Variants in TFB1M observed in about 807,000 individuals in gnomAD.
TFB1M encodes the protein transcription factor B1, mitochondrial.
In TFB1M, 27 loss-of-function variants were observed where a neutral mutation model predicts 31.1. That is an observed-to-expected ratio of 0.87 (90% CI 0.64 to 1.20). TFB1M has a LOEUF of 1.20. TFB1M is among the 50% of genes most tolerant of loss of function. TFB1M has a pLI of 0.00. For synonymous variants in TFB1M, 166 were observed against 151.8 expected (o/e 1.09, Z -0.69); for missense variants, 394 against 418.7 (o/e 0.94, Z 0.51).
intron 6 of TFB1M, among the ~76,000 whole-genome samples, chr6:155,258,710 T>C (rs1324245151): frequency 2.6e-5 from 4 of 152,194 alleles, no homozygotes; most frequent in Non-Finnish European, 5.9e-5. Flanking sequence ...TAGGCCTGGA[T>C]TGCATTTTTC....
chr6:155,236,683 C>G, the TFB1M span, among the ~76,000 whole-genome samples: 1 of 152,016 alleles, frequency 6.6e-6, no homozygotes, highest in African/African-American at 2.4e-5. Flanking sequence ...AATAAAAGAG[C>G]AAGTCATATC....
At chr6:155,282,930 T>C (rs1489175711) in intron 5 of TFB1M, among the ~76,000 whole-genome samples, 1 of 152,068 alleles carries the variant, frequency 6.6e-6, no homozygotes, top group Non-Finnish European at 1.5e-5. Flanking sequence ...GGTTTCACCA[T>C]GTTAGCCAGG....
downstream of TFB1M, chr6:155,253,822 A>T (rs1783828795): frequency 8.6e-6 from 5 of 583,548 alleles, no homozygotes; most frequent in Non-Finnish European, 1.5e-5. Flanking sequence ...TAACTGTGAA[A>T]ATCATACATA....
rs11455127 is a variant in TFB1M, at chr6:155,257,190, C to CAAAAA, written c.*641_*645dup. 9.5e-5 allele frequency: 52 copies of CAAAAA among 547,770 alleles called. 1 individual carries two copies. The highest frequency in any genetic ancestry group is 1.6e-4 in the South Asian group (7 of 44,140). The allele number at this position is 547,770 out of a possible 1,614,324, so 33.9% of individuals were successfully genotyped here. A position where few individuals can be genotyped will look rare whatever the true frequency, so the allele number is the denominator to read the frequency against. On this transcript the variant is annotated 3_prime_UTR_variant, in exon 7 of 7. Transcript: ENST00000367166. ...TAAACTGGTGGTAAAGTGGAAATTG[C>CAAAAA]AAAAAAAAAAAAAAAAAAAAACTGT...
chr6:155,237,444 C>T, the TFB1M span, among the ~76,000 whole-genome samples: 4 of 152,302 alleles, frequency 2.6e-5, no homozygotes, highest in East Asian at 3.9e-4. Flanking sequence ...GGATGGTGGC[C>T]CTCTTCTCAC....
At chr6:155,253,076 T>A, downstream of TFB1M, 6 of 1,592,816 alleles carry the variant, frequency 3.8e-6, no homozygotes, top group Non-Finnish European at 4.3e-6. Context: ...TGCAGTATGA[T>A]GCCAGAAAAA....
rs150072569 is a variant in TFB1M, at chr6:155,256,997, G to A, written c.*839C>T. ...CAGATCCGTCACCAGTCCCTTGACAGTCAGTCTGAAAATGCCACCATCGAC... is the reference window on the plus strand; with the variant it reads ...CAGATCCGTCACCAGTCCCTTGACAATCAGTCTGAAAATGCCACCATCGAC... On this transcript the variant is annotated 3_prime_UTR_variant, in exon 7 of 7. Transcript: ENST00000367166. 1.2e-5 allele frequency: 20 copies of A among 1,614,072 alleles called. No homozygotes were observed. Among genetic ancestry groups the A allele is most frequent in the Middle Eastern group, 1.6e-4 (1 of 6,084 alleles).
rs549893998 is a variant in TFB1M at position 155,298,327 on chromosome 6, G to T, written c.394+150C>A. 770 of 579,902 alleles carry T rather than the reference G, an allele frequency of 1.3e-3. 2 individuals carry two copies. The highest frequency in any genetic ancestry group is 2.1e-3 in the Non-Finnish European group (705 of 330,892). 35.9% of individuals were successfully genotyped at this position (579,902 alleles called of 1,614,324 possible). A position where few individuals can be genotyped will look rare whatever the true frequency, so the allele number is the denominator to read the frequency against. Reference sequence around the variant, plus strand: ...TTTATAATTTGGAAGCAAGTAGCAAGAGAAAATTATAATACACATTATTTA... The same window carrying T: ...TTTATAATTTGGAAGCAAGTAGCAATAGAAAATTATAATACACATTATTTA... On this transcript the variant is annotated intron_variant, in intron 3 of 6. Coordinates refer to ENST00000367166, the MANE Select transcript of TFB1M (RefSeq NM_016020.4).
chr6:155,282,235 G>T (rs1562403575), intron 5 of TFB1M, among the ~76,000 whole-genome samples: 2 of 152,134 alleles, frequency 1.3e-5, no homozygotes, highest in African/African-American at 4.8e-5. Context: ...AGTATTTTGG[G>T]TTCAAATTTT....
downstream of TFB1M, chr6:155,254,656 T>C (rs1783888542): frequency 6.6e-7 from 1 of 1,525,434 alleles, no homozygotes; most frequent in Non-Finnish European, 8.9e-7. Context: ...AACATAGCTG[T>C]GACTTTTCAC....
At chr6:155,266,842 G>T (rs749832144) in intron 5 of TFB1M, among the ~76,000 whole-genome samples, 1 of 61,828 alleles carries the variant, frequency 1.6e-5, no homozygotes, top group Non-Finnish European at 2.6e-5. Context: ...GCGAGACTCC[G>T]TCTCAAAAAA....
At chr6:155,275,559 A>C in intron 5 of TFB1M, 1 of 693,218 alleles carries the variant, frequency 1.4e-6, no homozygotes, top group Non-Finnish European at 2.5e-6. Flanking sequence ...TCTAAAGGGA[A>C]GCCTTTTGTT....
the TFB1M span, chr6:155,244,118 G>A: frequency 3.2e-6 from 5 of 1,581,144 alleles, no homozygotes; most frequent in Non-Finnish European, 3.5e-6. Context: ...GTGATCCACA[G>A]GTTAGTCTCT....
At chr6:155,259,256 T>C (rs987700055) in intron 6 of TFB1M, among the ~76,000 whole-genome samples, 1 of 152,240 alleles carries the variant, frequency 6.6e-6, no homozygotes, top group Admixed American at 6.5e-5. Context: ...AGCTGGGGGC[T>C]GCAGCCAAAA....
At chr6:155,300,525 T>G (rs932699764) in intron 2 of TFB1M, among the ~76,000 whole-genome samples, 3 of 152,116 alleles carry the variant, frequency 2.0e-5, no homozygotes, top group African/African-American at 4.8e-5. Flanking sequence ...ACGCTAAAAT[T>G]TTTTCTATAA....
Position 155,257,041 on chromosome 6 carries a change from C to A in TFB1M, c.*795G>T, listed in dbSNP as rs201575258. 1 of 1,613,978 alleles carries A rather than the reference C, an allele frequency of 6.2e-7. No individual in the cohort carries two copies. Among genetic ancestry groups the A allele is most frequent in the African/African-American group, 1.3e-5 (1 of 74,882 alleles). On this transcript the variant is annotated 3_prime_UTR_variant, in exon 7 of 7. Coordinates refer to ENST00000367166, the MANE Select transcript of TFB1M (RefSeq NM_016020.4). ...CATCGACCTAAATTCTGTTCTAGAG[C>A]GAGAATTCAGTGTCCAGAGTTTAAC...
Position 155,256,720 on chromosome 6 carries a change from A to C in TFB1M, c.*1116T>G. 6.2e-7 allele frequency: 1 copy of C among 1,614,130 alleles called. No homozygotes were observed. Among genetic ancestry groups the C allele is most frequent in the African/African-American group, 1.3e-5 (1 of 75,014 alleles). ...TCTCATCAAAGAGAGTGACATCCTGAGCGATGAAGATGATGACCACCGTCA... is the reference window on the plus strand; with the variant it reads ...TCTCATCAAAGAGAGTGACATCCTGCGCGATGAAGATGATGACCACCGTCA... On this transcript the variant is annotated 3_prime_UTR_variant, in exon 7 of 7. Transcript: ENST00000367166.
At chr6:155,253,105 C>T (rs1347659720), downstream of TFB1M, 2 of 1,446,590 alleles carry the variant, frequency 1.4e-6, no homozygotes, top group Non-Finnish European at 1.9e-6. Flanking sequence ...GTAGACTTAA[C>T]TGTGGAATGT....
chr6:155,256,111 G>C (rs957404378), downstream of TFB1M: 6 of 358,850 alleles, frequency 1.7e-5, no homozygotes, highest in Non-Finnish European at 3.0e-5. Context: ...TGATCTTCAT[G>C]ATCAAATTAC....
Sources: allele counts gnomAD v4.1 joint callset (sites outside exome capture counted in the v4.1 genomes callset), GRCh38; gene constraint gnomAD v4.1.1; transcripts MANE v1.5; gene names NCBI Gene and HGNC (gene_info 2026-07-23, HGNC 2026-07-21).